Variants in AGBL1 observed in about 807,000 individuals in gnomAD.
The protein encoded by AGBL1 is cytosolic carboxypeptidase 4.
Under a neutral mutation model 118.9 loss-of-function variants are expected in AGBL1, and 130 were observed. The ratio of observed to expected loss-of-function variants is 1.09; its 90% CI spans 0.95 to 1.26. The LOEUF (loss-of-function observed/expected upper bound fraction) is 1.26. AGBL1 is among the 50% of genes most tolerant of loss of function. The pLI is 0.00. For synonymous variants in AGBL1, 555 were observed against 478.9 expected (o/e 1.16, Z -2.08); for missense variants, 1,584 against 1,298.1 (o/e 1.22, Z -3.38).
chr15:86,542,441 A>G (rs923515698), intron 19 of AGBL1, among the ~76,000 whole-genome samples: 5 of 142,142 alleles, frequency 3.5e-5, no homozygotes, highest in Admixed American at 1.6e-4. Context: ...ATCTCGGCTC[A>G]CTGCAACCTC....
intron 17 of AGBL1, among the ~76,000 whole-genome samples, chr15:86,394,478 A>G (rs1479462889): frequency 7.2e-5 from 11 of 152,144 alleles, no homozygotes; most frequent in Admixed American, 2.6e-4. Flanking sequence ...TAATATTATT[A>G]TAAGGATGAC....
chr15:86,819,970 G>T (rs1470527531), intron 22 of AGBL1, among the ~76,000 whole-genome samples: 1 of 152,008 alleles, frequency 6.6e-6, no homozygotes, highest in East Asian at 1.9e-4. Context: ...CAGAACAGAG[G>T]CCTCAGAAAT....
chr15:86,893,005 AATAG>A (rs2080072439), intron 22 of AGBL1, among the ~76,000 whole-genome samples: 1 of 152,138 alleles, frequency 6.6e-6, no homozygotes, highest in South Asian at 2.1e-4. Context: ...TCCTGGAGAA[AATAG>A]ATAGAAGGTC....
intron 18 of AGBL1, among the ~76,000 whole-genome samples, chr15:86,476,965 C>T (rs966976563): frequency 6.6e-6 from 1 of 152,174 alleles, no homozygotes; most frequent in Non-Finnish European, 1.5e-5. Flanking sequence ...ACTGAACAAC[C>T]TGCTCCTGAA....
chr15:86,292,715 G>T (rs2079566775), intron 16 of AGBL1, among the ~76,000 whole-genome samples: 3 of 152,136 alleles, frequency 2.0e-5, no homozygotes, highest in African/African-American at 7.2e-5. Flanking sequence ...CCAAGTAATG[G>T]TTTAAGATTG....
chr15:86,680,295 G>C (rs1029576306), intron 22 of AGBL1, among the ~76,000 whole-genome samples: 1 of 151,946 alleles, frequency 6.6e-6, no homozygotes, highest in Admixed American at 6.6e-5. Flanking sequence ...ACATTTTTCA[G>C]AGAGCACCTT....
intron 6 of AGBL1, among the ~76,000 whole-genome samples, chr15:86,241,294 G>T (rs1232288896): frequency 6.6e-6 from 1 of 152,182 alleles, no homozygotes; most frequent in Non-Finnish European, 1.5e-5. Context: ...TCTTTGTAGG[G>T]AAAGGAATGA....
At chr15:86,798,617 G>C (rs988713471) in intron 22 of AGBL1, among the ~76,000 whole-genome samples, 4 of 151,472 alleles carry the variant, frequency 2.6e-5, no homozygotes, top group African/African-American at 7.3e-5. Context: ...AACTATGTTT[G>C]ATAAATATTA....
intron 18 of AGBL1, among the ~76,000 whole-genome samples, chr15:86,413,342 C>T (rs1041515887): frequency 6.6e-6 from 1 of 152,082 alleles, no homozygotes; most frequent in Non-Finnish European, 1.5e-5. Flanking sequence ...AACTATTATG[C>T]ATAATATTAT....
intron 21 of AGBL1, among the ~76,000 whole-genome samples, chr15:86,636,120 G>A (rs765333489): frequency 3.3e-5 from 5 of 152,162 alleles, no homozygotes; most frequent in Admixed American, 6.5e-5. Flanking sequence ...CCACATGAGG[G>A]GAAATATGAT....
At chr15:86,147,031 T>C (rs1030442514) in intron 3 of AGBL1, among the ~76,000 whole-genome samples, 17 of 152,224 alleles carry the variant, frequency 1.1e-4, no homozygotes, top group Admixed American at 1.1e-3. Flanking sequence ...AATAAGTATT[T>C]CTTTTTTAAT....
chr15:86,127,672 A>G (rs929880001), intron 1 of AGBL1, among the ~76,000 whole-genome samples: 3 of 152,384 alleles, frequency 2.0e-5, no homozygotes, highest in East Asian at 1.9e-4. Flanking sequence ...TTTTAACACA[A>G]CAGCTGGGCT....
In AGBL1 at chr15:86,224,810, A is replaced by G. The variant is rs2078334099; in HGVS notation, c.489-104A>G. ...TAGATTGCCTGCTACCTGGTTAATCATGGGTCTGTTATGGGGTGGCAATGG... is the reference window on the plus strand; with the variant it reads ...TAGATTGCCTGCTACCTGGTTAATCGTGGGTCTGTTATGGGGTGGCAATGG... On this transcript the variant is annotated intron_variant, in intron 5 of 22. Coordinates refer to ENST00000614907, the MANE Select transcript of AGBL1 (RefSeq NM_001386094.1). The G allele has an allele frequency of 6.7e-6, 7 of 1,051,956 alleles. No individual in the cohort carries two copies. In the Admixed American group the frequency reaches 1.3e-4, roughly 20 times the overall value. The allele number at this position is 1,051,956 out of a possible 1,614,324, so 65.2% of individuals were successfully genotyped here.
intron 22 of AGBL1, among the ~76,000 whole-genome samples, chr15:86,739,686 G>A (rs2141232456): frequency 6.6e-6 from 1 of 151,848 alleles, no homozygotes; most frequent in African/African-American, 2.4e-5. Flanking sequence ...CTTGGCACTT[G>A]GAAAGTACAG....
intron 21 of AGBL1, among the ~76,000 whole-genome samples, chr15:86,593,535 G>T (rs78321084): frequency 0.025 from 3,856 of 152,156 alleles, 166 homozygotes; most frequent in African/African-American, 0.088. Context: ...AACCTGGCAT[G>T]AGACTCATTA....
chr15:86,719,088 C>T (rs1384417029), intron 22 of AGBL1, among the ~76,000 whole-genome samples: 1 of 152,082 alleles, frequency 6.6e-6, no homozygotes, highest in Non-Finnish European at 1.5e-5. Context: ...CTCTGGGAAA[C>T]ATACCATCAA....
chr15:86,141,940 T>C (rs2076968786), intron 1 of AGBL1, 64 bp from the exon 2 acceptor site: 1 of 1,469,412 alleles, frequency 6.8e-7, no homozygotes. Flanking sequence ...TCCATGTACA[T>C]CCCTGATCAT....
intron 24 of AGBL1, among the ~76,000 whole-genome samples, chr15:87,018,868 C>G (rs1233753636): frequency 6.6e-6 from 1 of 152,030 alleles, no homozygotes; most frequent in African/African-American, 2.4e-5. Context: ...GGTATGTTGT[C>G]TTCAAGATAT....
intron 17 of AGBL1, among the ~76,000 whole-genome samples, chr15:86,324,891 C>T (rs928299466): frequency 6.6e-6 from 1 of 152,086 alleles, no homozygotes; most frequent in African/African-American, 2.4e-5. Flanking sequence ...CCCTAGCTCA[C>T]TAGCATGTGA....
Sources: allele counts gnomAD v4.1 joint callset (sites outside exome capture counted in the v4.1 genomes callset), GRCh38; gene constraint gnomAD v4.1.1; transcripts MANE v1.5; gene names NCBI Gene and HGNC (gene_info 2026-07-23, HGNC 2026-07-21).